DCHS2: variants seen among roughly 807,000 people sequenced by gnomAD.
The protein encoded by DCHS2 is dachsous cadherin-related 2.
DCHS2 carries 142 observed loss-of-function variants against 182.4 expected under a neutral mutation model. The observed-to-expected ratio is 0.78, with a 90% CI of 0.68 to 0.89. The LOEUF is 0.89. Among genes scored for constraint, DCHS2 ranks in the 40% least tolerant of loss-of-function variants. The pLI is 0.00. For missense variants in DCHS2, 4,319 were observed against 4,198.6 expected (o/e 1.03, Z -0.79); for synonymous variants, 1,740 against 1,663.3 (o/e 1.05, Z -1.12).
Position 154,333,444 on chromosome 4 carries a change from T to C in DCHS2, c.2764A>G (p.Lys922Glu). The change falls in exon 5 of 20, where the codon AAG becomes GAG. Residue 922 changes from lysine (K) to glutamate (E), a missense_variant. Transcript: ENST00000357232. ...YRISSGDLGG[K>E]FSIHPRLGTI... ...CCCAGCCGCGGGTGAATGGAGAACT[T>C]TCCGCCGAGATCACCAGAAGAAATC... 6.2e-7 allele frequency: 1 copy of C among 1,613,804 alleles called. No homozygotes were observed. The highest frequency in any genetic ancestry group is 8.5e-7 in the Non-Finnish European group (1 of 1,179,936).
intron 3 of DCHS2, among the ~76,000 whole-genome samples, chr4:154,337,805 A>C (rs1728884021): frequency 6.6e-6 from 1 of 151,888 alleles, no homozygotes; most frequent in South Asian, 2.1e-4. Context: ...CAGTGGCATG[A>C]TCTCAGCTCA....
chr4:154,388,719 C>T (rs890502502), intron 1 of DCHS2, among the ~76,000 whole-genome samples: 11 of 152,024 alleles, frequency 7.2e-5, no homozygotes, highest in African/African-American at 2.4e-4. Context: ...TGGTCTCGAT[C>T]TCCTGACCTC....
chr4:154,442,998 C>G (rs896513036), intron 1 of DCHS2, among the ~76,000 whole-genome samples: 7 of 152,016 alleles, frequency 4.6e-5, no homozygotes, highest in Non-Finnish European at 7.4e-5. Flanking sequence ...ACAAACACCC[C>G]AAACTCAACT....
At chr4:154,466,567 A>G (rs1459967192) in intron 1 of DCHS2, among the ~76,000 whole-genome samples, 2 of 152,214 alleles carry the variant, frequency 1.3e-5, no homozygotes, top group Admixed American at 6.5e-5. Context: ...AAGAGTGGTC[A>G]GGACCTTGCA....
At chr4:154,359,819 T>A (rs1365940200) in intron 3 of DCHS2, among the ~76,000 whole-genome samples, 1 of 152,104 alleles carries the variant, frequency 6.6e-6, no homozygotes, top group Non-Finnish European at 1.5e-5. Flanking sequence ...AAAAGTCCAC[T>A]GAGTTCTACT....
rs778826915 is a variant in DCHS2 at position 154,298,648 on chromosome 4, C to A, written c.5666G>T (p.Arg1889Leu). 2 of 1,613,384 alleles carry A rather than the reference C, an allele frequency of 1.2e-6. No individual in the cohort carries two copies. Among genetic ancestry groups the A allele is most frequent in the Admixed American group, 3.3e-5 (2 of 59,908 alleles). The change falls in exon 13 of 20, where the codon CGT becomes CTT. Residue 1889 changes from arginine to leucine, a missense_variant. Arg to Leu is a moderately radical substitution (Grantham distance 102, BLOSUM62 -2). Coordinates refer to ENST00000357232, the MANE Select transcript of DCHS2 (RefSeq NM_001358235.2). Reference sequence around the variant, plus strand: ...GCTGATTTGCTCCCGGTCCAAAGCACGAGTGGTTGAGAGTTCTCCTGACAT... The same window carrying A: ...GCTGATTTGCTCCCGGTCCAAAGCAAGAGTGGTTGAGAGTTCTCCTGACAT... The part of the protein sequence containing the change: ...NEMSGELSTT[R>L]ALDREQISNF...
chr4:154,448,559 A>C (rs1278249255), intron 1 of DCHS2, among the ~76,000 whole-genome samples: 1 of 152,196 alleles, frequency 6.6e-6, no homozygotes, highest in Non-Finnish European at 1.5e-5. Flanking sequence ...CAACTAAAGC[A>C]AGAGCCTGCT....
chr4:154,392,871 G>C (rs911271431), intron 1 of DCHS2, among the ~76,000 whole-genome samples: 1 of 152,128 alleles, frequency 6.6e-6, no homozygotes, highest in African/African-American at 2.4e-5. Flanking sequence ...TGATCAGTTA[G>C]GAATGTTTCT....
At chr4:154,468,380 C>T (rs777653255) in intron 1 of DCHS2, among the ~76,000 whole-genome samples, 7 of 152,136 alleles carry the variant, frequency 4.6e-5, no homozygotes, top group African/African-American at 1.7e-4. Context: ...TTTCTTTGAA[C>T]ACTCATGTCA....
At chr4:154,407,359 A>C (rs1579054358) in intron 1 of DCHS2, among the ~76,000 whole-genome samples, 1 of 151,944 alleles carries the variant, frequency 6.6e-6, no homozygotes, top group Non-Finnish European at 1.5e-5. Flanking sequence ...TTTTATATCA[A>C]CCCCAACTTG....
intron 13 of DCHS2, among the ~76,000 whole-genome samples, chr4:154,294,920 AT>A (rs1210607450): frequency 6.6e-6 from 1 of 152,234 alleles, no homozygotes; most frequent in African/African-American, 2.4e-5. Context: ...ATTGTTGAGG[AT>A]TAGCAAGCAA....
At chr4:154,249,796 A>G (rs866297163) in intron 16 of DCHS2, among the ~76,000 whole-genome samples, 1 of 152,240 alleles carries the variant, frequency 6.6e-6, no homozygotes, top group South Asian at 2.1e-4. Flanking sequence ...ACATAAACAA[A>G]AAACCAAAAT....
At chr4:154,326,858 C>T (rs2111349443) in intron 7 of DCHS2, among the ~76,000 whole-genome samples, 1 of 152,152 alleles carries the variant, frequency 6.6e-6, no homozygotes, top group South Asian at 2.1e-4. Flanking sequence ...TTAGTTATTC[C>T]TTGTCTTTTG....
intron 16 of DCHS2, among the ~76,000 whole-genome samples, chr4:154,253,903 C>T (rs1312529658): frequency 6.6e-6 from 1 of 152,114 alleles, no homozygotes; most frequent in East Asian, 1.9e-4. Flanking sequence ...TAGAAGCATA[C>T]TGACACTCAC....
chr4:154,236,240 C>A lies in DCHS2; in HGVS notation c.8412G>T (p.Leu2804Phe), dbSNP rs1169204982. 4.3e-6 allele frequency: 7 copies of A among 1,613,932 alleles called. No individual in the cohort carries two copies. The highest frequency in any genetic ancestry group is 5.9e-6 in the Non-Finnish European group (7 of 1,179,940). The change falls in exon 20 of 20, where the codon TTG becomes TTT. Residue 2804 changes from leucine to phenylalanine, a missense_variant. By Grantham distance (22) the Leu-to-Phe change is conservative. Coordinates refer to ENST00000357232, the MANE Select transcript of DCHS2 (RefSeq NM_001358235.2). ...AACAGGGTGATACAATAGAATAGGTCAATTCTCCATACGGACCAGCATCAA... is the reference window on the plus strand; with the variant it reads ...AACAGGGTGATACAATAGAATAGGTAAATTCTCCATACGGACCAGCATCAA... ...LDFDAGPYGE[L>F]TYSIVSPCFL...
At chr4:154,404,785 T>C (rs954181639) in intron 1 of DCHS2, among the ~76,000 whole-genome samples, 3 of 152,260 alleles carry the variant, frequency 2.0e-5, no homozygotes, top group Non-Finnish European at 4.4e-5. Context: ...TTATCTGTGG[T>C]AATAATTTTT....
intron 1 of DCHS2, among the ~76,000 whole-genome samples, chr4:154,401,820 C>A (rs1349078259): frequency 6.6e-6 from 1 of 152,122 alleles, no homozygotes; most frequent in East Asian, 1.9e-4. Context: ...TGGTGAAACC[C>A]CATCTCTATT....
intron 14 of DCHS2, among the ~76,000 whole-genome samples, chr4:154,261,071 A>G (rs1732964228): frequency 6.6e-6 from 1 of 152,202 alleles, no homozygotes; most frequent in Non-Finnish European, 1.5e-5. Flanking sequence ...CAGCAAGTCC[A>G]TCAAATAGAG....
At chr4:154,401,078 G>A (rs1008645878) in intron 1 of DCHS2, among the ~76,000 whole-genome samples, 1 of 152,036 alleles carries the variant, frequency 6.6e-6, no homozygotes. Context: ...TCACTCCCAC[G>A]CCCCTAAGCA....
Sources: allele counts gnomAD v4.1 joint callset (sites outside exome capture counted in the v4.1 genomes callset), GRCh38; gene constraint gnomAD v4.1.1; transcripts MANE v1.5; gene names NCBI Gene and HGNC (gene_info 2026-07-23, HGNC 2026-07-21).